The following PPHLN1 variants were observed in gnomAD, a reference collection of about 807,000 sequenced individuals.
The protein encoded by PPHLN1 is periphilin-1.
PPHLN1 carries 29 observed loss-of-function variants against 51.3 expected under a neutral mutation model. That is an observed-to-expected ratio of 0.57 (90% CI 0.42 to 0.77). The LOEUF (loss-of-function observed/expected upper bound fraction) is 0.77, where lower values mean the gene tolerates loss of function less well. Among genes scored for constraint, PPHLN1 ranks in the 30% least tolerant of loss-of-function variants. The pLI is 0.00. For missense variants in PPHLN1, 436 were observed against 438.4 expected, an observed-to-expected ratio of 0.99 and a Z score of 0.05; for synonymous variants, 147 against 147.8, an observed-to-expected ratio of 0.99 and a Z score of 0.04.
Position 42,341,715 on chromosome 12 carries a change from G to A in PPHLN1, c.72+5741G>A, listed in dbSNP as rs1215751123. 4.6e-5 allele frequency among the ~76,000 whole-genome samples: 7 copies of A among 152,104 alleles called. No individual in the cohort carries two copies. In the East Asian group the frequency reaches 9.7e-4, roughly 21 times the overall value. On this transcript the variant is annotated intron_variant, in intron 2 of 9. Transcript: ENST00000358314. ...CGGCTCACTGCAAGCTCCGCCTCCCGGGTTCACGCCATTCTTCTGCCTCAG... is the reference window on the plus strand; with the variant it reads ...CGGCTCACTGCAAGCTCCGCCTCCCAGGTTCACGCCATTCTTCTGCCTCAG...
intron 1 of PPHLN1, among the ~76,000 whole-genome samples, chr12:42,329,104 T>G (rs147208245): frequency 0.018 from 2,660 of 144,098 alleles, 53 homozygotes; most frequent in African/African-American, 0.054. Context: ...ATTTTTTTTT[T>G]TTTTTGTGTG....
intron 1 of PPHLN1, among the ~76,000 whole-genome samples, chr12:42,334,161 C>A (rs1475401451): frequency 1.3e-5 from 2 of 152,098 alleles, no homozygotes; most frequent in African/African-American, 4.8e-5. Flanking sequence ...CAATTTACTT[C>A]CCTTTCAAGC....
intron 9 of PPHLN1, among the ~76,000 whole-genome samples, chr12:42,412,611 TA>T (rs1300106488): frequency 6.6e-6 from 1 of 152,156 alleles, no homozygotes; most frequent in Non-Finnish European, 1.5e-5. Context: ...GTCTTTTTGA[TA>T]TAATGACTCC....
intron 6 of PPHLN1, among the ~76,000 whole-genome samples, chr12:42,386,632 G>C (rs2077215222): frequency 1.3e-5 from 2 of 152,086 alleles, no homozygotes; most frequent in South Asian, 4.1e-4. Flanking sequence ...AATTTTGTTA[G>C]TTTTTCTAGC....
chr12:42,340,983 C>CTTTTTT (rs552090682), intron 2 of PPHLN1, among the ~76,000 whole-genome samples: 2 of 131,084 alleles, frequency 1.5e-5, no homozygotes, highest in Admixed American at 7.6e-5. Context: ...TTCTTTCTTT[C>CTTTTTT]TTTTTTTTTT....
At chr12:42,356,749 G>A (rs988095228) in intron 4 of PPHLN1, among the ~76,000 whole-genome samples, 12 of 152,210 alleles carry the variant, frequency 7.9e-5, no homozygotes, top group Non-Finnish European at 1.2e-4. Flanking sequence ...GGCATTTGCT[G>A]TACTGAATGG....
chr12:42,336,319 A>G (rs1451864777), intron 2 of PPHLN1, among the ~76,000 whole-genome samples: 1 of 152,112 alleles, frequency 6.6e-6, no homozygotes, highest in African/African-American at 2.4e-5. Context: ...GCTGTTACCT[A>G]TTTTTTTCTA....
At chr12:42,402,012 T>A (rs1254872815) in intron 9 of PPHLN1, among the ~76,000 whole-genome samples, 1 of 151,958 alleles carries the variant, frequency 6.6e-6, no homozygotes, top group Non-Finnish European at 1.5e-5. Flanking sequence ...GTGCCACCAC[T>A]CCCAGCTAAT....
chr12:42,395,508 G>T (rs966605597), intron 8 of PPHLN1, among the ~76,000 whole-genome samples: 15 of 151,986 alleles, frequency 9.9e-5, no homozygotes, highest in South Asian at 2.1e-4. Flanking sequence ...TAATACTTTA[G>T]CTTATTAATA....
At chr12:42,438,009 C>A (rs2082631770) in intron 9 of PPHLN1, among the ~76,000 whole-genome samples, 1 of 152,094 alleles carries the variant, frequency 6.6e-6, no homozygotes, top group Non-Finnish European at 1.5e-5. Flanking sequence ...GGCTTGATAG[C>A]TCATTTCTTT....
chr12:42,393,119 G>A (rs893703661), intron 7 of PPHLN1, among the ~76,000 whole-genome samples: 2 of 152,238 alleles, frequency 1.3e-5, no homozygotes, highest in Admixed American at 1.3e-4. Flanking sequence ...TAAGGAGTAG[G>A]ATTTATGTAA....
At position 42,351,993 on chromosome 12, in the gene PPHLN1, T is replaced by C. The variant is rs770099253; in HGVS notation, c.181T>C (p.Tyr61His). ...RYYSHVDYRD[Y>H]DEGRSFSHDR... ...TTACAGTCATGTTGATTACCGAGAC[T>C]ATGACGAGGGCCGCAGTTTTTCTCA... Residue 61 changes from tyrosine (Y) to histidine (H), a missense_variant, in exon 3 of 10, where the codon TAT (tyrosine) becomes CAT (histidine). Transcript: ENST00000358314. 3.8e-6 allele frequency: 6 copies of C among 1,568,654 alleles called. No homozygotes were observed. The highest frequency in any genetic ancestry group is 5.2e-6 in the Non-Finnish European group (6 of 1,162,476).
chr12:42,432,090 G>GA (rs1487237728), intron 9 of PPHLN1: 1 of 1,543,736 alleles, frequency 6.5e-7, no homozygotes, highest in Non-Finnish European at 9.0e-7. Flanking sequence ...TCGACCCCCT[G>GA]AAACACTTCT....
At chr12:42,331,291 C>A (rs2069694473) in intron 1 of PPHLN1, among the ~76,000 whole-genome samples, 1 of 152,180 alleles carries the variant, frequency 6.6e-6, no homozygotes, top group Non-Finnish European at 1.5e-5. Context: ...ATAATGGAAA[C>A]TGACTAGATT....
rs375847400 is a variant in PPHLN1 at position 42,398,905 on chromosome 12, A to G, written c.820A>G (p.Asn274Asp). The change falls in exon 9 of 10, where the codon AAC (asparagine) becomes GAC (aspartate). Residue 274 changes from asparagine (N) to aspartate (D), a missense_variant. Transcript: ENST00000358314. ...FTDQPEEPESNTTHGIELFED... is the reference protein window; with the variant it reads ...FTDQPEEPESDTTHGIELFED... ...TGACCAGCCAGAGGAACCTGAGTCA[A>G]ACACAACACATGGGATAGAATTATT... 1.9e-6 allele frequency: 3 copies of G among 1,614,028 alleles called. No individual in the cohort carries two copies. The African/African-American group carries it at 4.0e-5, about 22-fold the overall frequency.
At chr12:42,364,932 G>A (rs1443251279) in intron 4 of PPHLN1, among the ~76,000 whole-genome samples, 1 of 152,064 alleles carries the variant, frequency 6.6e-6, no homozygotes, top group Non-Finnish European at 1.5e-5. Context: ...AACAAACAAA[G>A]TTCTAGTTGG....
intron 7 of PPHLN1, among the ~76,000 whole-genome samples, 174 bp downstream of exon 7, chr12:42,387,709 A>C (rs912207544): frequency 5.9e-5 from 9 of 152,290 alleles, no homozygotes; most frequent in African/African-American, 1.9e-4. Flanking sequence ...GGACTTTGAG[A>C]GACTGAGATT....
intron 7 of PPHLN1, among the ~76,000 whole-genome samples, chr12:42,390,005 C>T (rs1198309215): frequency 6.6e-6 from 1 of 152,194 alleles, no homozygotes; most frequent in Admixed American, 6.5e-5. Context: ...CTGTTTCCAT[C>T]TGTTCTCTCC....
chr12:42,358,127 C>A (rs1208391757), intron 4 of PPHLN1, among the ~76,000 whole-genome samples: 2 of 152,072 alleles, frequency 1.3e-5, no homozygotes, highest in Non-Finnish European at 2.9e-5. Flanking sequence ...TCCAGTCATC[C>A]ATTGACGGAC....
Sources: allele counts gnomAD v4.1 joint callset (sites outside exome capture counted in the v4.1 genomes callset), GRCh38; gene constraint gnomAD v4.1.1; transcripts MANE v1.5; gene names NCBI Gene and HGNC (gene_info 2026-07-23, HGNC 2026-07-21).